The following SH3PXD2B variants were observed in gnomAD, a reference collection of about 807,000 sequenced individuals.
The protein encoded by SH3PXD2B is SH3 and PX domains 2B.
A neutral mutation model predicts 73.1 loss-of-function variants in SH3PXD2B; 37 were observed. The observed-to-expected ratio is 0.51, with a 90% CI of 0.39 to 0.67. SH3PXD2B has a LOEUF of 0.67. Among genes scored for constraint, SH3PXD2B ranks in the 30% least tolerant of loss-of-function variants. The probability of loss-of-function intolerance (pLI) is 0.00; values close to 1 mark genes in which losing one functional copy is unlikely to be tolerated. For missense variants in SH3PXD2B, 1,053 were observed against 1,197.8 expected (o/e 0.88, Z 1.78); for synonymous variants, 457 against 480.5 (o/e 0.95, Z 0.64).
chr5:172,396,598 T>TA (rs1275244689), intron 3 of SH3PXD2B, among the ~76,000 whole-genome samples: 18 of 146,178 alleles, frequency 1.2e-4, no homozygotes, highest in African/African-American at 4.0e-4. Flanking sequence ...AAGGTAAATT[T>TA]AAAAAAAGAG....
chr5:172,398,431 G>A (rs570445344), intron 3 of SH3PXD2B, among the ~76,000 whole-genome samples: 88 of 152,326 alleles, frequency 5.8e-4, no homozygotes, highest in African/African-American at 1.3e-3. Context: ...TGTTGGGCAA[G>A]TGCTTTCAAC....
chr5:172,381,619 C>T (rs548952765), intron 5 of SH3PXD2B, among the ~76,000 whole-genome samples: 5 of 152,238 alleles, frequency 3.3e-5, no homozygotes, highest in African/African-American at 1.2e-4. Flanking sequence ...ATCCCGGCCC[C>T]GTTGCTCACC....
chr5:172,381,918 C>T, intron 5 of SH3PXD2B, 118 bp downstream of exon 5: 1 of 718,924 alleles, frequency 1.4e-6, no homozygotes, highest in Non-Finnish European at 2.4e-6. Flanking sequence ...TGCGGTCTCA[C>T]AGGGGCTCAG....
intron 7 of SH3PXD2B, among the ~76,000 whole-genome samples, chr5:172,361,771 T>C (rs1757409455): frequency 6.6e-6 from 1 of 152,250 alleles, no homozygotes; most frequent in Admixed American, 6.5e-5. Flanking sequence ...GCAACTCCTA[T>C]GTTGAGTAAC....
At chr5:172,417,657 T>A (rs1403935297) in intron 2 of SH3PXD2B, among the ~76,000 whole-genome samples, 1 of 152,194 alleles carries the variant, frequency 6.6e-6, no homozygotes, top group Non-Finnish European at 1.5e-5. Context: ...ACCACTCTAT[T>A]AACTGGCATC....
intron 5 of SH3PXD2B, among the ~76,000 whole-genome samples, chr5:172,374,264 T>C (rs1757774357): frequency 6.6e-6 from 1 of 152,180 alleles, no homozygotes; most frequent in South Asian, 2.1e-4. Flanking sequence ...GGCAGAAGTT[T>C]GGACAGCAGT....
At chr5:172,365,983 G>C (rs556448293) in intron 6 of SH3PXD2B, among the ~76,000 whole-genome samples, 1 of 152,302 alleles carries the variant, frequency 6.6e-6, no homozygotes, top group South Asian at 2.1e-4. Flanking sequence ...CCAGGTAAGT[G>C]TGTTTCCCTG....
At chr5:172,432,227 G>A (rs985899659) in intron 1 of SH3PXD2B, among the ~76,000 whole-genome samples, 1 of 152,042 alleles carries the variant, frequency 6.6e-6, no homozygotes, top group African/African-American at 2.4e-5. Flanking sequence ...ATTCATCAAC[G>A]CTGAACTCAG....
intron 5 of SH3PXD2B, among the ~76,000 whole-genome samples, chr5:172,377,163 C>T (rs1448970577): frequency 6.6e-6 from 1 of 152,178 alleles, no homozygotes; most frequent in African/African-American, 2.4e-5. Flanking sequence ...CAGGCAGCCA[C>T]AGCATGCGTT....
At chr5:172,429,905 C>G (rs1249043836) in intron 1 of SH3PXD2B, among the ~76,000 whole-genome samples, 2 of 152,172 alleles carry the variant, frequency 1.3e-5, no homozygotes, top group Admixed American at 6.5e-5. Flanking sequence ...GCTCACCCTC[C>G]TAACTGTCAG....
intron 10 of SH3PXD2B, 67 bp from the exon 11 acceptor site, chr5:172,347,399 C>T (rs755488180): frequency 5.8e-6 from 9 of 1,545,562 alleles, no homozygotes; most frequent in Non-Finnish European, 7.1e-6. Context: ...GGTGCCAGGT[C>T]GGGTCTATTT....
intron 10 of SH3PXD2B, among the ~76,000 whole-genome samples, chr5:172,348,699 C>CTTATCT (rs1757080270): frequency 4.7e-5 from 2 of 42,114 alleles, no homozygotes; most frequent in African/African-American, 1.5e-4. Flanking sequence ...ATCTATCTAT[C>CTTATCT]TATCTATCTA....
intron 8 of SH3PXD2B, chr5:172,356,580 A>G (rs1757282687): frequency 6.6e-6 from 1 of 152,282 alleles, no homozygotes; most frequent in Non-Finnish European, 1.5e-5. Flanking sequence ...AGACGACATC[A>G]CTGTTTCTCA....
chr5:172,382,492 C>T (rs995217343), intron 4 of SH3PXD2B, among the ~76,000 whole-genome samples: 5 of 151,010 alleles, frequency 3.3e-5, no homozygotes, highest in Middle Eastern at 3.5e-3. Context: ...AGTAGTTCTG[C>T]GGAGGGGGCT....
chr5:172,435,315 G>A (rs2113491428), intron 1 of SH3PXD2B, among the ~76,000 whole-genome samples: 1 of 152,326 alleles, frequency 6.6e-6, no homozygotes, highest in East Asian at 1.9e-4. Context: ...AATATATACT[G>A]TAGGGAGTTT....
At chr5:172,441,442 G>A (rs58382450) in intron 1 of SH3PXD2B, among the ~76,000 whole-genome samples, 3,337 of 152,276 alleles carry the variant, frequency 0.022, 128 homozygotes, top group African/African-American at 0.075. Context: ...TAGAATCATG[G>A]GACCTTGGGA....
intron 1 of SH3PXD2B, among the ~76,000 whole-genome samples, chr5:172,446,867 G>C (rs998573179): frequency 1.3e-5 from 2 of 152,344 alleles, no homozygotes; most frequent in East Asian, 1.9e-4. Flanking sequence ...AACTAGGAAA[G>C]CATCTGCCCA....
Position 172,333,539 on chromosome 5 carries a change from T to C in SH3PXD2B, c.*4830A>G. 8.9e-7 allele frequency: 1 copy of C among 1,118,642 alleles called. No individual in the cohort carries two copies. Among genetic ancestry groups the C allele is most frequent in the Non-Finnish European group, 1.1e-6 (1 of 913,278 alleles). 69.3% of individuals were successfully genotyped at this position (1,118,642 alleles called of 1,614,324 possible). On this transcript the variant is annotated 3_prime_UTR_variant, in exon 13 of 13. Coordinates refer to ENST00000311601, the MANE Select transcript of SH3PXD2B (RefSeq NM_001017995.3). The stretch of plus-strand genomic sequence containing the variant: ...GAAACCAGTCAAGCACTTTTTTTAT[T>C]TAAAAAAAAAAAAAGGAAAGAAGTC...
chr5:172,449,772 T>C (rs993895261), intron 1 of SH3PXD2B, among the ~76,000 whole-genome samples: 13 of 152,048 alleles, frequency 8.5e-5, no homozygotes, highest in African/African-American at 3.1e-4. Flanking sequence ...AAGTGCAAAG[T>C]TGAAAACACA....
Sources: gnomAD v4.1 joint callset for allele counts (sites outside exome capture counted in the v4.1 genomes callset) on GRCh38, gnomAD v4.1.1 for gene constraint, MANE v1.5 for transcripts, NCBI Gene and HGNC (gene_info 2026-07-23, HGNC 2026-07-21) for gene names.